Variants in MYO16 observed in about 807,000 individuals in gnomAD.
The protein encoded by MYO16 is myosin XVI, also known as unconventional myosin-XVI.
A neutral mutation model predicts 205.3 loss-of-function variants in MYO16; 94 were observed. That is an observed-to-expected ratio of 0.46 (90% CI 0.39 to 0.54). The LOEUF is 0.54. Among genes scored for constraint, MYO16 ranks in the 20% least tolerant of loss-of-function variants. The pLI, the probability that MYO16 is intolerant of heterozygous loss-of-function variation, is 0.00. For synonymous variants in MYO16, 988 were observed against 954.0 expected (o/e 1.04, Z -0.66); for missense variants, 2,315 against 2,387.5 (o/e 0.97, Z 0.63).
intron 34 of MYO16, among the ~76,000 whole-genome samples, chr13:109,179,841 T>A (rs1310110538): frequency 6.6e-6 from 1 of 152,112 alleles, no homozygotes; most frequent in Admixed American, 6.5e-5. Flanking sequence ...TAAGGAATAA[T>A]GTCCAAAACA....
chr13:109,117,464 GTATA>G (rs983024337), intron 28 of MYO16, among the ~76,000 whole-genome samples: 1 of 145,640 alleles, frequency 6.9e-6, no homozygotes, highest in African/African-American at 2.5e-5. Context: ...ATATGTATGT[GTATA>G]TATGTATGTA....
chr13:109,080,579 CAAAAAAA>C (rs5806782), intron 27 of MYO16, among the ~76,000 whole-genome samples: 1 of 145,708 alleles, frequency 6.9e-6, no homozygotes, highest in African/African-American at 2.6e-5. Context: ...TGCCCCTCTT[CAAAAAAA>C]AAAAAAAATG....
At chr13:108,717,609 G>C (rs1883996214) in intron 3 of MYO16, among the ~76,000 whole-genome samples, 1 of 119,688 alleles carries the variant, frequency 8.4e-6, no homozygotes, top group Non-Finnish European at 1.6e-5. Flanking sequence ...CAGCCTGGGT[G>C]ACAGAGCAAG....
At position 109,055,306 on chromosome 13, in the gene MYO16, A is replaced by T; in HGVS notation, c.3130-84A>T. The T allele has an allele frequency of 8.4e-7, 1 of 1,197,010 alleles. No homozygotes were observed. Among genetic ancestry groups the T allele is most frequent in the Non-Finnish European group, 1.2e-6 (1 of 846,296 alleles). 74.1% of individuals were successfully genotyped at this position (1,197,010 alleles called of 1,614,324 possible). The stretch of plus-strand genomic sequence containing the variant: ...AATGCATAATGAGATTTAAAGACGT[A>T]AAGACTTTTTATTTAAAAACTGCTT... On this transcript the variant is annotated intron_variant, in intron 26 of 34. Transcript: ENST00000457511. The surrounding 1 kb of genome is among the most constrained non-coding windows in gnomAD (Gnocchi z 5.0).
intron 1 of MYO16, among the ~76,000 whole-genome samples, chr13:108,600,197 T>C (rs532349541): frequency 1.3e-5 from 2 of 152,252 alleles, no homozygotes; most frequent in Admixed American, 6.5e-5. Context: ...TAGGGGGAAA[T>C]TGATGAACAA....
chr13:108,603,813 C>A (rs1380125506), intron 1 of MYO16, among the ~76,000 whole-genome samples: 1 of 152,148 alleles, frequency 6.6e-6, no homozygotes, highest in Non-Finnish European at 1.5e-5. Flanking sequence ...ATAGATTACT[C>A]TTTTCCAAAT....
chr13:108,712,538 A>G, intron 2 of MYO16, 123 bp from the exon 3 acceptor site: 2 of 811,136 alleles, frequency 2.5e-6, no homozygotes, highest in Non-Finnish European at 4.3e-6. Context: ...GATGGCACAG[A>G]AGCCGTAGTC....
chr13:108,966,874 T>C (rs1012981158), intron 20 of MYO16, among the ~76,000 whole-genome samples: 3 of 152,144 alleles, frequency 2.0e-5, no homozygotes, highest in African/African-American at 7.2e-5. Flanking sequence ...GTCTCAAAAA[T>C]TTGGATAACC....
At chr13:108,742,615 A>C (rs116130750) in intron 4 of MYO16, among the ~76,000 whole-genome samples, 1 of 152,196 alleles carries the variant, frequency 6.6e-6, no homozygotes, top group African/African-American at 2.4e-5. Context: ...TAAAAAAACA[A>C]TTCCAAGGTA....
At chr13:108,983,587 G>A (rs1394325437) in intron 20 of MYO16, among the ~76,000 whole-genome samples, 1 of 152,114 alleles carries the variant, frequency 6.6e-6, no homozygotes, top group Non-Finnish European at 1.5e-5. Flanking sequence ...TAGGAACATT[G>A]GAGCCCAAAA....
intron 16 of MYO16, among the ~76,000 whole-genome samples, chr13:108,915,371 A>G (rs1881451270): frequency 6.6e-6 from 1 of 152,260 alleles, no homozygotes; most frequent in Non-Finnish European, 1.5e-5. Context: ...CAAAACAAAA[A>G]TCCAAACCAA....
intron 16 of MYO16, among the ~76,000 whole-genome samples, chr13:108,948,494 G>A (rs898545255): frequency 5.9e-5 from 9 of 152,200 alleles, no homozygotes; most frequent in Middle Eastern, 3.2e-3. Flanking sequence ...TGTTTCATGC[G>A]CGCTGATCTC....
At chr13:108,654,657 A>T (rs1170006178) in intron 1 of MYO16, among the ~76,000 whole-genome samples, 1 of 152,228 alleles carries the variant, frequency 6.6e-6, no homozygotes, top group African/African-American at 2.4e-5. Flanking sequence ...GGCTCAGAAG[A>T]AAACAGGAAA....
intron 7 of MYO16, among the ~76,000 whole-genome samples, chr13:108,811,109 G>T (rs1017023305): frequency 2.0e-5 from 3 of 152,094 alleles, no homozygotes; most frequent in African/African-American, 7.2e-5. Flanking sequence ...TACACCCAAA[G>T]ATAAAAAAAT....
In MYO16 at chr13:108,666,124, G is replaced by C. The variant is rs1322141843; in HGVS notation, c.267G>C (p.Ala89=). The C allele has an allele frequency of 1.2e-6, 2 of 1,608,934 alleles. No homozygotes were observed. Among genetic ancestry groups the C allele is most frequent in the South Asian group, 1.1e-5 (1 of 90,974 alleles). The change falls in exon 2 of 35, where the codon GCG becomes GCC. Residue 89 remains alanine (A), a synonymous_variant. Transcript: ENST00000457511. ...ACCTCACGGACATGCTACAGGACGC[G>C]ATTATCCACCACAATGACAAAGAAG... ...HFNLTDMLQD[A]IIHHNDKEVL...
chr13:108,813,456 A>G (rs1448816539), intron 7 of MYO16, among the ~76,000 whole-genome samples: 1 of 152,126 alleles, frequency 6.6e-6, no homozygotes, highest in Non-Finnish European at 1.5e-5. Context: ...AATCATTTTT[A>G]GCTTCTGAAC....
chr13:108,925,644 C>T (rs1180031889), intron 16 of MYO16, among the ~76,000 whole-genome samples: 1 of 152,128 alleles, frequency 6.6e-6, no homozygotes, highest in Non-Finnish European at 1.5e-5. Context: ...TCTTGGCTCT[C>T]ATCCTTCCTC....
At chr13:109,153,083 C>G (rs899303878) in intron 32 of MYO16, among the ~76,000 whole-genome samples, 2 of 152,162 alleles carry the variant, frequency 1.3e-5, no homozygotes, top group Non-Finnish European at 2.9e-5. Flanking sequence ...CAAAACACGA[C>G]GTATCCATGA....
chr13:108,561,208 G>A, the MYO16 span, among the ~76,000 whole-genome samples: 1 of 152,230 alleles, frequency 6.6e-6, no homozygotes, highest in African/African-American at 2.4e-5. Context: ...GGTATAATCA[G>A]TTTGAAATTA....
Sources: gnomAD v4.1 joint callset for allele counts (sites outside exome capture counted in the v4.1 genomes callset) on GRCh38, gnomAD v4.1.1 for gene constraint, Gnocchi (gnomAD v3.1) non-coding constraint, MANE v1.5 for transcripts, NCBI Gene and HGNC (gene_info 2026-07-23, HGNC 2026-07-21) for gene names.